GMEB1: variants seen among roughly 807,000 people sequenced by gnomAD.
GMEB1 encodes glucocorticoid modulatory element-binding protein 1.
A neutral mutation model predicts 52.4 loss-of-function variants in GMEB1; 6 were observed. The ratio of observed to expected loss-of-function variants is 0.11; its 90% CI spans 0.06 to 0.23. GMEB1 has a LOEUF of 0.23. Ranked by LOEUF, GMEB1 falls within the 10% of genes least tolerant of loss-of-function variation. The pLI, the probability that GMEB1 is intolerant of heterozygous loss-of-function variation, is 1.00. For synonymous variants in GMEB1, 255 were observed against 244.9 expected, an observed-to-expected ratio of 1.04 and a Z score of -0.38; for missense variants, 486 against 685.6, an observed-to-expected ratio of 0.71 and a Z score of 3.25.
intron 1 of GMEB1, among the ~76,000 whole-genome samples, chr1:28,678,202 A>AG (rs1669240755): frequency 6.6e-6 from 1 of 152,018 alleles, no homozygotes; most frequent in African/African-American, 2.4e-5. Flanking sequence ...AAAAAAAAAA[A>AG]AGAAAGGAGA....
intron 1 of GMEB1, among the ~76,000 whole-genome samples, chr1:28,671,848 A>T (rs1203046703): frequency 6.6e-6 from 1 of 151,910 alleles, no homozygotes; most frequent in Non-Finnish European, 1.5e-5. Flanking sequence ...TGGGCGCGGT[A>T]GCTCACGCCT....
At position 28,690,199 on chromosome 1, in the gene GMEB1, TTG is replaced by T. The variant is rs760114088; in HGVS notation, c.211+17_211+18del. 324 of 1,183,406 alleles carry T rather than the reference TTG, an allele frequency of 2.7e-4. 1 individual carries two copies. In the African/African-American group the frequency reaches 5.2e-3, roughly 19 times the overall value. The allele number at this position is 1,183,406 out of a possible 1,614,324, so 73.3% of individuals were successfully genotyped here. On this transcript the variant is annotated intron_variant, in intron 3 of 9. Transcript: ENST00000373816. ...GAAGAAGGGATTGGTAAGGGTTTTT[TTG>T]TGTTTTTTTTTTTTTTTTTTTTTGT...
At chr1:28,683,887 G>A (rs926769075) in intron 2 of GMEB1, 147 bp downstream of exon 2, 9 of 670,280 alleles carry the variant, frequency 1.3e-5, no homozygotes, top group Admixed American at 7.4e-5. Context: ...ATACTGTATT[G>A]CGTGCTGTAT....
chr1:28,677,045 C>T (rs373598098), intron 1 of GMEB1, among the ~76,000 whole-genome samples: 2 of 152,080 alleles, frequency 1.3e-5, no homozygotes, highest in Non-Finnish European at 2.9e-5. Flanking sequence ...AAAATCGAGA[C>T]TTTGTCTCAA....
intron 8 of GMEB1, among the ~76,000 whole-genome samples, chr1:28,706,598 C>G (rs986090788): frequency 2.3e-5 from 3 of 130,712 alleles, no homozygotes; most frequent in Non-Finnish European, 5.4e-5. Flanking sequence ...AGCGAGAGTC[C>G]GTCTCAAAAA....
chr1:28,690,154 C>A lies in GMEB1; in HGVS notation c.179C>A (p.Thr60Asn). The A allele has an allele frequency of 6.4e-7, 1 of 1,570,376 alleles. No homozygotes were observed. The highest frequency in any genetic ancestry group is 1.7e-4 in the Middle Eastern group (1 of 5,954). Residue 60 changes from threonine (T) to asparagine (N), a missense_variant, in exon 3 of 10, where the codon ACT (threonine) becomes AAT (asparagine). This residue lies in a region of GMEB1 where 88 missense variants were observed against 96.5 expected (regional missense o/e 0.91). Coordinates refer to ENST00000373816, the MANE Select transcript of GMEB1 (RefSeq NM_001319674.2). ...AACACGGCAGTTGTAGCAGTAGAAA[C>A]TCACACGATACACAAAATTGAAGAA... is the stretch of plus-strand genomic sequence containing the variant. Reference protein sequence around the residue: ...ENNTAVVAVETHTIHKIEEGI... With the variant: ...ENNTAVVAVENHTIHKIEEGI...
chr1:28,689,321 C>T (rs1035366974), intron 2 of GMEB1, among the ~76,000 whole-genome samples: 10 of 152,008 alleles, frequency 6.6e-5, no homozygotes, highest in African/African-American at 1.2e-4. Flanking sequence ...CCACCATGCC[C>T]GGCCCATTTA....
At chr1:28,701,967 C>T (rs1158942206) in intron 6 of GMEB1, among the ~76,000 whole-genome samples, 1 of 152,154 alleles carries the variant, frequency 6.6e-6, no homozygotes, top group African/African-American at 2.4e-5. Context: ...TTTACTTTCT[C>T]TTTATAGGCT....
At chr1:28,709,540 C>T (rs1297057833) in intron 8 of GMEB1, among the ~76,000 whole-genome samples, 6 of 151,568 alleles carry the variant, frequency 4.0e-5, no homozygotes, top group Non-Finnish European at 7.4e-5. Context: ...TTTTCAAAAC[C>T]TAAAGTCAGA....
intron 3 of GMEB1, among the ~76,000 whole-genome samples, chr1:28,690,598 C>G (rs1209372780): frequency 6.6e-6 from 1 of 152,154 alleles, no homozygotes; most frequent in East Asian, 1.9e-4. Flanking sequence ...AATTTCTCAT[C>G]TCTAAATGTG....
At chr1:28,693,786 A>G (rs1327005107) in intron 5 of GMEB1, among the ~76,000 whole-genome samples, 1 of 152,302 alleles carries the variant, frequency 6.6e-6, no homozygotes, top group East Asian at 1.9e-4. Flanking sequence ...CAAAAAAAGG[A>G]TAACATTTTT....
intron 2 of GMEB1, among the ~76,000 whole-genome samples, chr1:28,686,872 T>A (rs1019983053): frequency 1.2e-4 from 18 of 152,032 alleles, no homozygotes; most frequent in Admixed American, 1.1e-3. Context: ...TCTGTGCACT[T>A]GGGGACCTCT....
chr1:28,703,138 T>G (rs939039685), intron 7 of GMEB1, among the ~76,000 whole-genome samples: 3 of 152,214 alleles, frequency 2.0e-5, no homozygotes, highest in African/African-American at 4.8e-5. Flanking sequence ...TCTATGCTTT[T>G]CTTCTGATCA....
At chr1:28,706,953 C>T (rs570334058) in intron 8 of GMEB1, among the ~76,000 whole-genome samples, 90 of 149,368 alleles carry the variant, frequency 6.0e-4, no homozygotes, top group African/African-American at 1.9e-3. Context: ...AGGCGTGAGC[C>T]ACCATGCCTG....
At chr1:28,709,196 A>G (rs1350828823) in intron 8 of GMEB1, among the ~76,000 whole-genome samples, 3 of 151,616 alleles carry the variant, frequency 2.0e-5, no homozygotes, top group African/African-American at 7.3e-5. Flanking sequence ...AATCCCAGCT[A>G]CTCAGGAGGC....
chr1:28,676,485 TG>T (rs1337612846), intron 1 of GMEB1, among the ~76,000 whole-genome samples: 2 of 152,168 alleles, frequency 1.3e-5, no homozygotes, highest in African/African-American at 2.4e-5. Context: ...CCCAACACTT[TG>T]GGAGGCCAAG....
At chr1:28,712,385 C>T (rs563612160) in intron 9 of GMEB1, among the ~76,000 whole-genome samples, 54 of 152,272 alleles carry the variant, frequency 3.5e-4, no homozygotes, top group Admixed American at 6.5e-4. Context: ...GGTAATCAAC[C>T]TACAGCCTCT....
At chr1:28,684,562 C>CAAA (rs35899215) in intron 2 of GMEB1, among the ~76,000 whole-genome samples, 7 of 102,980 alleles carry the variant, frequency 6.8e-5, no homozygotes, top group African/African-American at 1.2e-4. Context: ...GACTCCATCT[C>CAAA]AAAAAAAAAA....
chr1:28,718,231 A>G lies in GMEB1; in HGVS notation c.*3458A>G, dbSNP rs1671320527. 6 of 152,232 alleles carry G rather than the reference A, an allele frequency of 3.9e-5. No individual in the cohort carries two copies. The highest frequency in any genetic ancestry group is 3.9e-4 in the Admixed American group (6 of 15,280). 9.4% of individuals were successfully genotyped at this position (152,232 alleles called of 1,614,324 possible). A position where few individuals can be genotyped will look rare whatever the true frequency, so the allele number is the denominator to read the frequency against. Reference sequence around the variant, plus strand: ...CCATCTATGTGCCAGGCTTTGTGCTAGGCACTGACAGTAGAGAGATGAAGA... The same window carrying G: ...CCATCTATGTGCCAGGCTTTGTGCTGGGCACTGACAGTAGAGAGATGAAGA... On this transcript the variant is annotated 3_prime_UTR_variant, in exon 10 of 10. Transcript: ENST00000373816.
Sources: gnomAD v4.1 joint callset for allele counts (sites outside exome capture counted in the v4.1 genomes callset) on GRCh38, gnomAD v4.1.1 for gene constraint, gnomAD v4.1.1 regional missense constraint, MANE v1.5 for transcripts, NCBI Gene and HGNC (gene_info 2026-07-23, HGNC 2026-07-21) for gene names.